ADGRA3: variants seen among roughly 807,000 people sequenced by gnomAD.
ADGRA3 encodes adhesion G protein-coupled receptor A3, also known as G-protein coupled receptor 125.
Under a neutral mutation model 119.8 loss-of-function variants are expected in ADGRA3, and 56 were observed. The observed-to-expected ratio is 0.47, with a 90% CI of 0.38 to 0.58. The LOEUF (loss-of-function observed/expected upper bound fraction) is 0.58. Among genes scored for constraint, ADGRA3 ranks in the 20% least tolerant of loss-of-function variants. ADGRA3 has a pLI of 0.00. For synonymous variants in ADGRA3, 607 were observed against 623.8 expected (o/e 0.97, Z 0.40); for missense variants, 1,516 against 1,649.0 (o/e 0.92, Z 1.40).
intron 1 of ADGRA3, among the ~76,000 whole-genome samples, chr4:22,499,856 C>T (rs776383144): frequency 3.3e-5 from 5 of 152,096 alleles, no homozygotes; most frequent in Non-Finnish European, 7.4e-5. Flanking sequence ...ACATAATATG[C>T]ACTAGGTAAA....
chr4:22,431,213 C>T (rs1242686762), intron 10 of ADGRA3, among the ~76,000 whole-genome samples: 3 of 152,094 alleles, frequency 2.0e-5, no homozygotes, highest in South Asian at 2.1e-4. Context: ...AAAAGGCCAC[C>T]GTCCTCCAGA....
chr4:22,496,670 A>C (rs1456438426), intron 1 of ADGRA3, among the ~76,000 whole-genome samples: 2 of 152,166 alleles, frequency 1.3e-5, no homozygotes, highest in African/African-American at 2.4e-5. Flanking sequence ...AAATCTTGAG[A>C]CCTTTTGTAA....
At chr4:22,405,149 A>G (rs903370310) in intron 14 of ADGRA3, among the ~76,000 whole-genome samples, 2 of 152,182 alleles carry the variant, frequency 1.3e-5, no homozygotes, top group African/African-American at 4.8e-5. Flanking sequence ...AGAAAGTAAC[A>G]ATATGGGGAG....
At chr4:22,491,479 C>A (rs1161058033) in intron 1 of ADGRA3, among the ~76,000 whole-genome samples, 1 of 152,126 alleles carries the variant, frequency 6.6e-6, no homozygotes, top group Non-Finnish European at 1.5e-5. Flanking sequence ...CTCAAGGGGG[C>A]CTCTACTTTA....
rs1276990030 is a variant in ADGRA3 at position 22,515,621 on chromosome 4, G to T, written c.164C>A (p.Ala55Glu). The T allele has an allele frequency of 3.3e-6, 5 of 1,534,038 alleles. No homozygotes were observed. Among genetic ancestry groups the T allele is most frequent in the Non-Finnish European group, 4.4e-6 (5 of 1,141,404 alleles). The change falls in exon 1 of 19, where the codon GCG becomes GAG. Residue 55 changes from alanine to glutamate, a missense_variant. Ala to Glu is a moderately radical substitution (Grantham distance 107). This residue lies in a region of ADGRA3 where 428 missense variants were observed against 541.9 expected (regional missense o/e 0.79). Transcript: ENST00000334304. ...HDGRPRGAGR[A>E]AGAAEGKVVC... ...CACCTTGCCCTCGGCGGCGCCCGCC[G>T]CCCTGCCAGCCCCTCGGGGCCGCCC...
Position 22,387,840 on chromosome 4 carries a change from C to G in ADGRA3, c.3831G>C (p.Gln1277His). 6.2e-7 allele frequency: 1 copy of G among 1,614,110 alleles called. No individual in the cohort carries two copies. The highest frequency in any genetic ancestry group is 8.5e-7 in the Non-Finnish European group (1 of 1,180,004). The change falls in exon 19 of 19, where the codon CAG (glutamine) becomes CAC (histidine). Residue 1277 changes from glutamine to histidine, a missense_variant. By Grantham distance (24) the Gln-to-His change is conservative. Around this residue, in one of 2 missense-constraint regions of ADGRA3, gnomAD observed 1,088 missense variants for 1,107.1 expected, o/e 0.98. Transcript: ENST00000334304. ...RKPAVVELEN[Q>H]QKSYGLNLAI... The stretch of plus-strand genomic sequence containing the variant: ...CCAAGTTGAGGCCATAAGATTTTTG[C>G]TGATTTTCAAGTTCAACCACAGCTG...
intron 6 of ADGRA3, among the ~76,000 whole-genome samples, chr4:22,443,724 A>G (rs557851025): frequency 5.8e-4 from 89 of 152,318 alleles, no homozygotes; most frequent in Non-Finnish European, 9.0e-4. Flanking sequence ...ATTAGAGTGT[A>G]ACGATATTTT....
rs769005255 is a variant in ADGRA3 at position 22,515,678 on chromosome 4, GCGCCGC to G, written c.101_106del (p.Gly34_Gly35del). 5 of 1,140,460 alleles carry G rather than the reference GCGCCGC, an allele frequency of 4.4e-6. No individual in the cohort carries two copies. Among genetic ancestry groups the G allele is most frequent in the Admixed American group, 1.0e-4 (2 of 20,076 alleles). The allele number at this position is 1,140,460 out of a possible 1,614,324, so 70.6% of individuals were successfully genotyped here. A position where few individuals can be genotyped will look rare whatever the true frequency, so the allele number is the denominator to read the frequency against. The stretch of plus-strand genomic sequence containing the variant: ...CTTGCAGCCGGCGGGCAGCGCCGCG[GCGCCGC>G]CGCCGCCGCCGCCTCCCAGCAGCGC... On this transcript the variant is annotated inframe_deletion, in exon 1 of 19. Transcript: ENST00000334304.
intron 1 of ADGRA3, among the ~76,000 whole-genome samples, chr4:22,476,007 T>C (rs1312071402): frequency 6.6e-6 from 1 of 152,084 alleles, no homozygotes; most frequent in Non-Finnish European, 1.5e-5. Context: ...TTGTATTCTG[T>C]CCCTCCACCA....
At chr4:22,414,603 TC>T (rs1436879687) in intron 12 of ADGRA3, 1 of 699,426 alleles carries the variant, frequency 1.4e-6, no homozygotes, top group Non-Finnish European at 2.6e-6. Flanking sequence ...CACCGGAATT[TC>T]CCCTTAAGAA....
chr4:22,402,693 C>T lies in ADGRA3; in HGVS notation c.2339G>A (p.Ser780Asn), dbSNP rs759285934. 6.2e-7 allele frequency: 1 copy of T among 1,613,542 alleles called. No homozygotes were observed. Among genetic ancestry groups the T allele is most frequent in the Non-Finnish European group, 8.5e-7 (1 of 1,179,764 alleles). ...TTCTTACCTGTGATGGTATATGTAA[C>T]TGACAATGACGGCTAAGAGACATAA... ...LLLCLLAVIV[S>N]YIYHHSLIRI... Residue 780 changes from serine (S) to asparagine (N), a missense_variant, in exon 15 of 19, where the codon AGT (serine) becomes AAT (asparagine). Transcript: ENST00000334304.
rs758940064 is a variant in ADGRA3, at chr4:22,515,492, A to G, written c.257+36T>C. 28 of 1,592,058 alleles carry G rather than the reference A, an allele frequency of 1.8e-5. No homozygotes were observed. In the Admixed American group the frequency reaches 3.7e-4, roughly 21 times the overall value. ...TGAGCGGAGAGATAAGAAAGAGCCG[A>G]GCGGGAGAGGACCCAGCGTCGCGGG... is the stretch of plus-strand genomic sequence containing the variant. On this transcript the variant is annotated intron_variant, in intron 1 of 18. Coordinates refer to ENST00000334304, the MANE Select transcript of ADGRA3 (RefSeq NM_145290.4).
chr4:22,420,111 T>G (rs979745979), intron 12 of ADGRA3: 14 of 152,580 alleles, frequency 9.2e-5, no homozygotes, highest in African/African-American at 3.4e-4. Context: ...GATCAGTTAT[T>G]ATGCAGCCAT....
intron 1 of ADGRA3, among the ~76,000 whole-genome samples, chr4:22,490,166 T>C (rs1718573167): frequency 6.6e-6 from 1 of 152,248 alleles, no homozygotes; most frequent in African/African-American, 2.4e-5. Flanking sequence ...TAAGTTTACA[T>C]GAAATTAAAT....
intron 10 of ADGRA3, among the ~76,000 whole-genome samples, chr4:22,435,069 G>A (rs776909322): frequency 1.3e-5 from 2 of 152,264 alleles, no homozygotes; most frequent in East Asian, 1.9e-4. Flanking sequence ...TCTCACCAGC[G>A]ACCTCTGCTG....
intron 1 of ADGRA3, among the ~76,000 whole-genome samples, chr4:22,511,105 G>A (rs908707678): frequency 6.6e-6 from 1 of 152,146 alleles, no homozygotes; most frequent in South Asian, 2.1e-4. Context: ...CAAATTACAA[G>A]TAATTTTTGT....
At chr4:22,511,982 C>T (rs1438130352) in intron 1 of ADGRA3, among the ~76,000 whole-genome samples, 4 of 149,810 alleles carry the variant, frequency 2.7e-5, no homozygotes, top group South Asian at 2.1e-4. Flanking sequence ...CTGCAACCTC[C>T]GCCTCCCGGG....
chr4:22,408,936 G>T (rs1715070472), intron 14 of ADGRA3, among the ~76,000 whole-genome samples: 2 of 152,268 alleles, frequency 1.3e-5, no homozygotes, highest in South Asian at 4.1e-4. Context: ...CAATGGAAAA[G>T]AATAAACTGC....
rs546962931 is a variant in ADGRA3 at position 22,478,041 on chromosome 4, G to A, written c.258-4198C>T. ...TAAATGAAAAATATAAAACTTGAGCGAAGTCATAAAGCTTATATACACCCA... is the reference window on the plus strand; with the variant it reads ...TAAATGAAAAATATAAAACTTGAGCAAAGTCATAAAGCTTATATACACCCA... On this transcript the variant is annotated intron_variant, in intron 1 of 18. Transcript: ENST00000334304. The A allele has an allele frequency of 2.7e-4, 41 of 152,224 alleles. 1 individual carries two copies. The East Asian group carries it at 2.7e-3, about 10-fold the overall frequency. 9.4% of individuals were successfully genotyped at this position (152,224 alleles called of 1,614,324 possible).
Sources: allele counts gnomAD v4.1 joint callset (sites outside exome capture counted in the v4.1 genomes callset), GRCh38; gene constraint gnomAD v4.1.1; regional missense constraint gnomAD v4.1.1; transcripts MANE v1.5; gene names NCBI Gene and HGNC (gene_info 2026-07-23, HGNC 2026-07-21).